Variants in KCNAB1 observed in about 807,000 individuals in gnomAD.
KCNAB1 encodes the protein voltage-gated potassium channel subunit beta-1.
Under a neutral mutation model 64.6 loss-of-function variants are expected in KCNAB1, and 35 were observed. The ratio of observed to expected loss-of-function variants is 0.54; its 90% CI spans 0.41 to 0.72. KCNAB1 has a LOEUF of 0.72. KCNAB1 is among the 30% of genes least tolerant of loss of function. The pLI, the probability that KCNAB1 is intolerant of heterozygous loss-of-function variation, is 0.00. For synonymous variants in KCNAB1, 177 were observed against 183.8 expected (o/e 0.96, Z 0.30); for missense variants, 401 against 512.9 (o/e 0.78, Z 2.11).
chr3:156,384,832 T>A (rs139336604), intron 1 of KCNAB1, among the ~76,000 whole-genome samples: 125 of 152,228 alleles, frequency 8.2e-4, no homozygotes, highest in African/African-American at 2.9e-3. Context: ...TCAGAGAGGT[T>A]TTGTTCTTCT....
At chr3:156,409,344 G>T (rs1344427967) in intron 1 of KCNAB1, among the ~76,000 whole-genome samples, 1 of 152,178 alleles carries the variant, frequency 6.6e-6, no homozygotes, top group East Asian at 1.9e-4. Flanking sequence ...ATAAAGTAAG[G>T]TTATTTCATA....
intron 1 of KCNAB1, among the ~76,000 whole-genome samples, chr3:156,393,818 T>C (rs58548744): frequency 0.016 from 2,509 of 152,336 alleles, 68 homozygotes; most frequent in African/African-American, 0.056. Context: ...GATTAATCTA[T>C]TCATCTGCAC....
chr3:156,356,341 A>G (rs1328091024), intron 1 of KCNAB1, among the ~76,000 whole-genome samples: 2 of 152,148 alleles, frequency 1.3e-5, no homozygotes, highest in Admixed American at 1.3e-4. Context: ...AAACACATCA[A>G]GTAAGACCAA....
In KCNAB1 at chr3:156,461,115, T is replaced by A. The variant is rs189806896; in HGVS notation, c.482+1244T>A. Among the ~76,000 whole-genome samples, 386 of 152,250 alleles carry A rather than the reference T, an allele frequency of 2.5e-3. 2 individuals carry two copies. Among genetic ancestry groups the A allele is most frequent in the Non-Finnish European group, 3.4e-3 (231 of 68,032 alleles). On this transcript the variant is annotated intron_variant, in intron 5 of 13. Coordinates refer to ENST00000490337, the MANE Select transcript of KCNAB1 (RefSeq NM_172160.3). ...GTCCTTCACCTTGCCTGAGTTACTT[T>A]CCCACTCAGAGTATTGGTTTACCCA...
intron 1 of KCNAB1, among the ~76,000 whole-genome samples, chr3:156,255,810 G>A (rs559025340): frequency 6.5e-4 from 99 of 152,040 alleles, no homozygotes; most frequent in Non-Finnish European, 1.2e-3. Flanking sequence ...ACACAAACTC[G>A]CCAAGCAGAT....
At chr3:156,536,613 C>A in intron 13 of KCNAB1, 45 bp from the exon 14 acceptor site, 1 of 1,330,280 alleles carries the variant, frequency 7.5e-7, no homozygotes, top group Non-Finnish European at 1.1e-6. Flanking sequence ...ACCGAATGAT[C>A]AACACTGCTA....
intron 13 of KCNAB1, among the ~76,000 whole-genome samples, chr3:156,535,195 T>C (rs1333179435): frequency 3.3e-5 from 5 of 152,180 alleles, no homozygotes; most frequent in Admixed American, 6.5e-5. Context: ...GGCTGGCAGC[T>C]CTATTTTGCC....
At chr3:156,147,856 G>A (rs1249321893) in intron 1 of KCNAB1, among the ~76,000 whole-genome samples, 1 of 151,800 alleles carries the variant, frequency 6.6e-6, no homozygotes, top group East Asian at 1.9e-4. Flanking sequence ...TAGAACCCCT[G>A]TCTCTTAGTT....
chr3:156,425,158 C>A (rs1005457599), intron 2 of KCNAB1, among the ~76,000 whole-genome samples: 1 of 152,196 alleles, frequency 6.6e-6, no homozygotes, highest in Non-Finnish European at 1.5e-5. Flanking sequence ...AGCTCAGTCA[C>A]GACCTACGTT....
At chr3:156,129,030 C>G (rs964593537) in intron 1 of KCNAB1, among the ~76,000 whole-genome samples, 2 of 98,316 alleles carry the variant, frequency 2.0e-5, no homozygotes, top group African/African-American at 3.4e-5. Flanking sequence ...AGCATCATGC[C>G]TTCTTCCCGG....
chr3:156,447,506 T>G, intron 2 of KCNAB1, among the ~76,000 whole-genome samples: 1 of 152,318 alleles, frequency 6.6e-6, no homozygotes, highest in Middle Eastern at 3.4e-3. Flanking sequence ...ATTAATATTA[T>G]AATTGCATTT....
At chr3:156,281,854 CT>C (rs1199190990) in intron 1 of KCNAB1, among the ~76,000 whole-genome samples, 3 of 148,826 alleles carry the variant, frequency 2.0e-5, no homozygotes, top group African/African-American at 7.5e-5. Flanking sequence ...ATTCTTCTCT[CT>C]TTTTTTCTTT....
chr3:156,351,283 A>G (rs1724841955), intron 1 of KCNAB1, among the ~76,000 whole-genome samples: 1 of 152,224 alleles, frequency 6.6e-6, no homozygotes. Context: ...TTGGGGCTAA[A>G]CAGACAGCTC....
chr3:156,494,863 C>CT (rs933376087), intron 8 of KCNAB1, among the ~76,000 whole-genome samples: 127 of 151,994 alleles, frequency 8.4e-4, no homozygotes, highest in African/African-American at 3.0e-3. Context: ...CAATTTTTTT[C>CT]TTTTTTTTCC....
At chr3:156,221,094 G>C (rs1715699834) in intron 1 of KCNAB1, among the ~76,000 whole-genome samples, 1 of 152,188 alleles carries the variant, frequency 6.6e-6, no homozygotes, top group Non-Finnish European at 1.5e-5. Context: ...TTTGGTACCA[G>C]TACCATGCTG....
At chr3:156,470,419 G>A (rs1713799827) in intron 7 of KCNAB1, among the ~76,000 whole-genome samples, 1 of 152,224 alleles carries the variant, frequency 6.6e-6, no homozygotes, top group Non-Finnish European at 1.5e-5. Flanking sequence ...GATTTGGGAG[G>A]CTGAGGTGGG....
chr3:156,245,535 TTTAC>T (rs149543661), intron 1 of KCNAB1, among the ~76,000 whole-genome samples: 16,181 of 152,154 alleles, frequency 0.11, 1,122 homozygotes, highest in Non-Finnish European at 0.15. Context: ...CATGTGTGTA[TTTAC>T]TTCTATGCAA....
intron 1 of KCNAB1, among the ~76,000 whole-genome samples, chr3:156,278,003 G>C (rs1249502566): frequency 6.6e-6 from 1 of 152,062 alleles, no homozygotes; most frequent in Non-Finnish European, 1.5e-5. Flanking sequence ...AGCTGAGGGC[G>C]TCTCCTACAT....
At chr3:156,444,564 C>T (rs73873371) in intron 2 of KCNAB1, among the ~76,000 whole-genome samples, 12,540 of 152,198 alleles carry the variant, frequency 0.082, 652 homozygotes, top group African/African-American at 0.15. Flanking sequence ...TCCTGATGTC[C>T]CCTTACTTAC....
Sources: allele counts gnomAD v4.1 joint callset (sites outside exome capture counted in the v4.1 genomes callset), GRCh38; gene constraint gnomAD v4.1.1; transcripts MANE v1.5; gene names NCBI Gene and HGNC (gene_info 2026-07-23, HGNC 2026-07-21).